TET3: variants seen among roughly 807,000 people sequenced by gnomAD.
TET3 encodes tet methylcytosine dioxygenase 3, also known as methylcytosine dioxygenase TET3.
TET3 carries 19 observed loss-of-function variants against 141.4 expected under a neutral mutation model. The ratio of observed to expected loss-of-function variants is 0.13; its 90% CI spans 0.09 to 0.20. The LOEUF is 0.20. TET3 is among the 10% of genes least tolerant of loss of function. The pLI is 1.00. For synonymous variants in TET3, 1,043 were observed against 980.9 expected (o/e 1.06, Z -1.18); for missense variants, 1,874 against 2,356.9 (o/e 0.80, Z 4.24).
At chr2:74,058,898 C>T (rs1467296926) in intron 4 of TET3, among the ~76,000 whole-genome samples, 3 of 152,258 alleles carry the variant, frequency 2.0e-5, no homozygotes, top group Admixed American at 6.5e-5. Flanking sequence ...TAACATTTCA[C>T]GACTCATGAA....
chr2:74,026,778 T>G (rs1487436538), intron 3 of TET3, among the ~76,000 whole-genome samples: 1 of 152,226 alleles, frequency 6.6e-6, no homozygotes, highest in East Asian at 1.9e-4. Flanking sequence ...CATTTCCTGT[T>G]TTCTAGTTAT....
chr2:73,996,656 C>T (rs1357909630), intron 2 of TET3, among the ~76,000 whole-genome samples: 4 of 152,090 alleles, frequency 2.6e-5, no homozygotes, highest in Non-Finnish European at 4.4e-5. Flanking sequence ...TACAGGCATG[C>T]ACCACCACAC....
chr2:74,018,138 T>G (rs1413820021), intron 3 of TET3, among the ~76,000 whole-genome samples: 1 of 152,044 alleles, frequency 6.6e-6, no homozygotes, highest in East Asian at 1.9e-4. Flanking sequence ...CGACTAATTT[T>G]GTATTTTTAG....
chr2:73,985,215 G>A (rs1683942702), intron 1 of TET3, 58 bp downstream of exon 1: 2 of 144,462 alleles, frequency 1.4e-5, no homozygotes, highest in Admixed American at 6.8e-5. Flanking sequence ...CGGGAGGCGC[G>A]GGGGGCCCGG....
At chr2:73,991,549 T>C (rs149521675) in intron 2 of TET3, among the ~76,000 whole-genome samples, 2,026 of 152,218 alleles carry the variant, frequency 0.013, 30 homozygotes, top group Middle Eastern at 0.031. Flanking sequence ...ACGACTGCCC[T>C]GTTCAGTCTG....
At chr2:74,029,141 G>A (rs959700393) in intron 3 of TET3, among the ~76,000 whole-genome samples, 14 of 152,178 alleles carry the variant, frequency 9.2e-5, no homozygotes, top group African/African-American at 1.9e-4. Flanking sequence ...TACTAGACAC[G>A]TACCTTTTAT....
At chr2:74,112,342 C>T (rs1691723959), downstream of TET3, among the ~76,000 whole-genome samples, 1 of 151,904 alleles carries the variant, frequency 6.6e-6, no homozygotes, top group African/African-American at 2.4e-5. Flanking sequence ...CACCAAGAAC[C>T]CACTCCTTTT....
rs1690224881 is a variant in TET3, at chr2:74,087,472, A to G, written c.2680-358A>G. On this transcript the variant is annotated intron_variant, in intron 6 of 11. Transcript: ENST00000409262. This position sits in a 1 kb window ranked among gnomAD's most constrained non-coding sequence, Gnocchi z 4.3. Reference sequence around the variant, plus strand: ...GCAGCATTTTCTCTGCAAATGTTTTAGGATAACATAAAAATCTGACTGTAT... The same window carrying G: ...GCAGCATTTTCTCTGCAAATGTTTTGGGATAACATAAAAATCTGACTGTAT... Among the ~76,000 whole-genome samples the G allele has an allele frequency of 1.3e-5, 2 of 152,228 alleles. No individual in the cohort carries two copies. The highest frequency in any genetic ancestry group is 1.5e-5 in the Non-Finnish European group (1 of 68,036).
chr2:74,046,857 G>A lies in TET3; in HGVS notation c.940G>A (p.Gly314Ser), dbSNP rs369392266. Residue 314 changes from glycine to serine, a missense_variant, in exon 4 of 12, where the codon GGC (glycine) becomes AGC (serine). By Grantham distance (56) the Gly-to-Ser change is moderately conservative (BLOSUM62 0). Around this residue, in one of 10 missense-constraint regions of TET3, gnomAD observed 366 missense variants for 487.0 expected, o/e 0.75. Coordinates refer to ENST00000409262, the MANE Select transcript of TET3 (RefSeq NM_001287491.2). The surrounding 1 kb of genome is among the most constrained non-coding windows in gnomAD (Gnocchi z 4.3). ...AGGGCCTCTGCCTCCTGGTGAGGCC[G>A]GCCTCCCAGCACCAAGCACCAGGCC... ...LPGPLPPGEA[G>S]LPAPSTRPLL... 2.4e-5 allele frequency: 38 copies of A among 1,613,334 alleles called. No homozygotes were observed. The highest frequency in any genetic ancestry group is 5.3e-5 in the African/African-American group (4 of 74,910).
downstream of TET3, among the ~76,000 whole-genome samples, chr2:74,112,686 A>G (rs907359570): frequency 6.6e-6 from 1 of 152,236 alleles, no homozygotes; most frequent in Admixed American, 6.5e-5. Flanking sequence ...AGTGACTACA[A>G]TCTACTTTCA....
intron 3 of TET3, among the ~76,000 whole-genome samples, chr2:74,003,559 AGG>A (rs1173607624): frequency 2.6e-4 from 1 of 3,880 alleles, no homozygotes; most frequent in African/African-American, 3.7e-4. Flanking sequence ...GTGTGCGGGG[AGG>A]GGGGGTGGGG....
the TET3 span, among the ~76,000 whole-genome samples, chr2:74,129,045 A>C: frequency 6.7e-6 from 1 of 149,998 alleles, no homozygotes; most frequent in Non-Finnish European, 1.5e-5. Context: ...CACACCTATA[A>C]TCCCAGCACT....
chr2:74,030,523 A>G (rs1245475239), intron 3 of TET3, among the ~76,000 whole-genome samples: 1 of 152,240 alleles, frequency 6.6e-6, no homozygotes, highest in African/African-American at 2.4e-5. Flanking sequence ...GTTTCTAGGA[A>G]TAGCACTGCT....
chr2:74,128,188 T>C, the TET3 span, among the ~76,000 whole-genome samples: 2 of 152,128 alleles, frequency 1.3e-5, no homozygotes, highest in Non-Finnish European at 2.9e-5. Flanking sequence ...AGGCATTTTT[T>C]TTTTCGCTTG....
At chr2:74,055,190 A>G (rs1177249128) in intron 4 of TET3, among the ~76,000 whole-genome samples, 2 of 152,086 alleles carry the variant, frequency 1.3e-5, no homozygotes, top group African/African-American at 4.8e-5. Context: ...GTGAGCCACC[A>G]TGCCTGGCCG....
At chr2:74,025,219 G>T (rs905181239) in intron 3 of TET3, among the ~76,000 whole-genome samples, 2 of 120,630 alleles carry the variant, frequency 1.7e-5, no homozygotes, top group South Asian at 5.1e-4. Flanking sequence ...GCGAGACTCC[G>T]CCTCAAAAAA....
chr2:74,090,564 G>T (rs1369998808), intron 8 of TET3, among the ~76,000 whole-genome samples: 1 of 152,196 alleles, frequency 6.6e-6, no homozygotes, highest in Admixed American at 6.5e-5. Context: ...CCTGGTCCCT[G>T]GGCTCTGGAC....
chr2:74,101,625 G>A lies in TET3; in HGVS notation c.4837G>A (p.Ala1613Thr). The A allele has an allele frequency of 6.2e-7, 1 of 1,613,246 alleles. No individual in the cohort carries two copies. ...CCCCTTCAGCCTGGAGGAGGGGCCG[G>A]CTGAGGAGCCCCCCAGCAAGGGAGC... ...WDPFSLEEGP[A>T]EEPPSKGAVK... Residue 1613 changes from alanine (A) to threonine (T), a missense_variant, in exon 12 of 12, where the codon GCT (alanine) becomes ACT (threonine). Ala to Thr is a moderately conservative substitution (Grantham distance 58, BLOSUM62 0). This residue lies in a region of TET3 where 602 missense variants were observed against 590.2 expected (regional missense o/e 1.02). Transcript: ENST00000409262. The surrounding 1 kb of genome is among the most constrained non-coding windows in gnomAD (Gnocchi z 8.5).
chr2:73,992,562 C>T (rs1327549992), intron 2 of TET3, among the ~76,000 whole-genome samples: 4 of 152,134 alleles, frequency 2.6e-5, no homozygotes, highest in Non-Finnish European at 5.9e-5. Flanking sequence ...GATCTGCCCA[C>T]CTTGGCCTCC....
Sources: gnomAD v4.1 joint callset for allele counts (sites outside exome capture counted in the v4.1 genomes callset) on GRCh38, gnomAD v4.1.1 for gene constraint, gnomAD v4.1.1 regional missense constraint, Gnocchi (gnomAD v3.1) non-coding constraint, MANE v1.5 for transcripts, NCBI Gene and HGNC (gene_info 2026-07-23, HGNC 2026-07-21) for gene names.